NR6A1: variants seen among roughly 807,000 people sequenced by gnomAD.
NR6A1 encodes the protein retinoic acid receptor-related testis-associated receptor.
In NR6A1, 7 loss-of-function variants were observed where a neutral mutation model predicts 59.1. The ratio of observed to expected loss-of-function variants is 0.12; its 90% confidence interval spans 0.07 to 0.22. The LOEUF (loss-of-function observed/expected upper bound fraction) is 0.22. NR6A1 is among the 10% of genes least tolerant of loss of function. The pLI is 1.00. For synonymous variants in NR6A1, 243 were observed against 236.1 expected (o/e 1.03, Z -0.27); for missense variants, 468 against 611.6 (o/e 0.77, Z 2.48).
chr9:124,587,208 T>G (rs1588689165), intron 2 of NR6A1, among the ~76,000 whole-genome samples: 1 of 152,134 alleles, frequency 6.6e-6, no homozygotes, highest in Non-Finnish European at 1.5e-5. Flanking sequence ...GTATGTAGGG[T>G]TTTTTTCTGA....
At chr9:124,661,265 A>C (rs1647375819) in intron 2 of NR6A1, among the ~76,000 whole-genome samples, 1 of 152,220 alleles carries the variant, frequency 6.6e-6, no homozygotes, top group African/African-American at 2.4e-5. Flanking sequence ...GACCTAAAAA[A>C]TAAATTTAAT....
intron 1 of NR6A1, among the ~76,000 whole-genome samples, chr9:124,765,525 G>A (rs531108763): frequency 6.6e-6 from 1 of 152,250 alleles, no homozygotes; most frequent in East Asian, 1.9e-4. Context: ...AAGTTTCAAA[G>A]TAGGCTATTT....
At chr9:124,539,838 T>C (rs1833387889) in intron 5 of NR6A1, among the ~76,000 whole-genome samples, 195 bp downstream of exon 5, 1 of 152,194 alleles carries the variant, frequency 6.6e-6, no homozygotes. Flanking sequence ...CCACTGACAT[T>C]TTCAAGGTCT....
chr9:124,768,528 A>G (rs1841004923), intron 1 of NR6A1, among the ~76,000 whole-genome samples: 1 of 152,232 alleles, frequency 6.6e-6, no homozygotes, highest in Non-Finnish European at 1.5e-5. Flanking sequence ...TCTAGCGTCT[A>G]GTGTATTTTA....
Position 124,679,765 on chromosome 9 carries a change from C to T in NR6A1, c.142+53543G>A, listed in dbSNP as rs986146556. 1.7e-4 allele frequency among the ~76,000 whole-genome samples: 26 copies of T among 151,620 alleles called. 1 individual carries two copies. The highest frequency in any genetic ancestry group is 7.9e-4 in the Admixed American group (12 of 15,206). On this transcript the variant is annotated intron_variant, in intron 2 of 9. Coordinates refer to ENST00000487099, the MANE Select transcript of NR6A1 (RefSeq NM_033334.4). The stretch of plus-strand genomic sequence containing the variant: ...AAAAAAAATTAGCCGGTCATGGTGG[C>T]GAATGCCTTTAATCTCAGCTTCATG...
intron 2 of NR6A1, among the ~76,000 whole-genome samples, chr9:124,712,556 C>T (rs1239755776): frequency 6.0e-5 from 9 of 151,126 alleles, no homozygotes; most frequent in Admixed American, 4.6e-4. Context: ...TGCAGTGAGC[C>T]AAGATCACGC....
chr9:124,593,999 GAACT>G (rs1396072529), intron 2 of NR6A1, among the ~76,000 whole-genome samples: 2 of 152,142 alleles, frequency 1.3e-5, no homozygotes, highest in Non-Finnish European at 2.9e-5. Flanking sequence ...AACCCTCTGT[GAACT>G]AAAACAAAAC....
intron 2 of NR6A1, among the ~76,000 whole-genome samples, chr9:124,566,832 G>C (rs764491397): frequency 1.9e-4 from 29 of 152,324 alleles, no homozygotes; most frequent in Non-Finnish European, 2.9e-4. Flanking sequence ...GGACAGGCCG[G>C]GCGCGGTGGC....
chr9:124,562,064 G>A (rs760625266), intron 2 of NR6A1, among the ~76,000 whole-genome samples: 8 of 152,226 alleles, frequency 5.3e-5, no homozygotes, highest in Non-Finnish European at 8.8e-5. Flanking sequence ...GGAAGAGTGG[G>A]TATAGACAAA....
chr9:124,626,718 G>A lies in NR6A1; in HGVS notation c.143-72148C>T, dbSNP rs543704017. 1.6e-4 allele frequency among the ~76,000 whole-genome samples: 24 copies of A among 152,084 alleles called. No homozygotes were observed. The South Asian group carries it at 2.5e-3, about 16-fold the overall frequency. ...TGGGAGGCCGAGGTGGGTGGATCAC[G>A]GGGTCAGGAATTTGAGACCAGCCTG... is the stretch of plus-strand genomic sequence containing the variant. On this transcript the variant is annotated intron_variant, in intron 2 of 9. Coordinates refer to ENST00000487099, the MANE Select transcript of NR6A1 (RefSeq NM_033334.4).
intron 1 of NR6A1, among the ~76,000 whole-genome samples, chr9:124,739,824 T>A (rs186242520): frequency 5.3e-5 from 8 of 152,348 alleles, no homozygotes; most frequent in Admixed American, 1.3e-4. Context: ...AATTATACTC[T>A]ATAATGTGTT....
At chr9:124,648,993 GAAAGGATATTGTT>G (rs1837017494) in intron 2 of NR6A1, among the ~76,000 whole-genome samples, 1 of 152,004 alleles carries the variant, frequency 6.6e-6, no homozygotes, top group Non-Finnish European at 1.5e-5. Flanking sequence ...TTCATAAAGT[GAAAGGATATTGTT>G]AAAATATCCA....
At chr9:124,642,300 T>C (rs1298657056) in intron 2 of NR6A1, among the ~76,000 whole-genome samples, 1 of 152,220 alleles carries the variant, frequency 6.6e-6, no homozygotes, top group Admixed American at 6.5e-5. Context: ...TCCGCCCACC[T>C]TGGCCTCCCA....
rs1029720408 is a variant in NR6A1 at position 124,769,157 on chromosome 9, T to A, written c.100+1863A>T. Among the ~76,000 whole-genome samples the A allele has an allele frequency of 3.3e-5, 5 of 152,264 alleles. No homozygotes were observed. In the South Asian group the frequency reaches 1.0e-3, roughly 32 times the overall value. Reference sequence around the variant, plus strand: ...GCTTCCCCCTTTGTGACACGGAATTTTATTGATCTCAAACATGTTCACATT... The same window carrying A: ...GCTTCCCCCTTTGTGACACGGAATTATATTGATCTCAAACATGTTCACATT... On this transcript the variant is annotated intron_variant, in intron 1 of 9. Transcript: ENST00000487099.
At chr9:124,673,158 GA>G (rs1837846949) in intron 2 of NR6A1, among the ~76,000 whole-genome samples, 1 of 151,992 alleles carries the variant, frequency 6.6e-6, no homozygotes, top group Non-Finnish European at 1.5e-5. Context: ...TCCATCTCCA[GA>G]AAAAATACAA....
chr9:124,562,511 G>T (rs1218946614), intron 2 of NR6A1, among the ~76,000 whole-genome samples: 1 of 152,056 alleles, frequency 6.6e-6, no homozygotes, highest in East Asian at 1.9e-4. Context: ...CCACTCTGCA[G>T]CCTTGAACGC....
chr9:124,711,187 TAAAAAAAAAAAAAAA>T (rs58609931), intron 2 of NR6A1, among the ~76,000 whole-genome samples: 2 of 66,494 alleles, frequency 3.0e-5, no homozygotes, highest in Admixed American at 1.8e-4. Flanking sequence ...AGCTAAGGTT[TAAAAAAAAAAAAAAA>T]AAAAAAAAAA....
intron 2 of NR6A1, among the ~76,000 whole-genome samples, chr9:124,732,809 G>T (rs2131128308): frequency 6.6e-6 from 1 of 151,814 alleles, no homozygotes; most frequent in African/African-American, 2.4e-5. Context: ...CGATTCTTCA[G>T]CCTCAGCCTC....
intron 2 of NR6A1, among the ~76,000 whole-genome samples, chr9:124,601,380 C>A (rs1396693920): frequency 1.3e-5 from 2 of 151,398 alleles, no homozygotes; most frequent in African/African-American, 2.4e-5. Flanking sequence ...GTCAGGAGAT[C>A]GAGACCATCC....
Sources: allele counts gnomAD v4.1 joint callset (sites outside exome capture counted in the v4.1 genomes callset), GRCh38; gene constraint gnomAD v4.1.1; transcripts MANE v1.5; gene names NCBI Gene and HGNC (gene_info 2026-07-23, HGNC 2026-07-21).